CEP104: variants seen among roughly 807,000 people sequenced by gnomAD.
CEP104 encodes centrosomal protein 104.
Under a neutral mutation model 113.3 loss-of-function variants are expected in CEP104, and 84 were observed. The ratio of observed to expected loss-of-function variants is 0.74; its 90% CI spans 0.62 to 0.89. The LOEUF (loss-of-function observed/expected upper bound fraction) is 0.89. Among genes scored for constraint, CEP104 ranks in the 40% least tolerant of loss-of-function variants. The pLI, the probability that CEP104 is intolerant of heterozygous loss-of-function variation, is 0.00. For missense variants in CEP104, 1,053 were observed against 1,156.6 expected, an observed-to-expected ratio of 0.91 and a Z score of 1.30; for synonymous variants, 378 against 421.7, an observed-to-expected ratio of 0.90 and a Z score of 1.27.
At chr1:3,837,929 G>C (rs1644345726) in intron 8 of CEP104, among the ~76,000 whole-genome samples, 1 of 152,260 alleles carries the variant, frequency 6.6e-6, no homozygotes, top group African/African-American at 2.4e-5. Context: ...ACAAAGGAAA[G>C]TGATGTTGTG....
intron 6 of CEP104, among the ~76,000 whole-genome samples, chr1:3,843,483 T>C (rs1407258731): frequency 3.3e-5 from 5 of 151,398 alleles, no homozygotes; most frequent in African/African-American, 9.7e-5. Context: ...TCCTGAGTAG[T>C]TGAGACTACA....
Position 3,836,683 on chromosome 1 carries a change from G to C in CEP104, c.1129C>G (p.Leu377Val), listed in dbSNP as rs1644321486. The C allele has an allele frequency of 1.2e-6, 2 of 1,613,508 alleles. No homozygotes were observed. Among genetic ancestry groups the C allele is most frequent in the Middle Eastern group, 1.6e-4 (1 of 6,062 alleles). Reference protein sequence around the residue: ...DPHPKINAESLPYDERPLPAI... With the variant: ...DPHPKINAESVPYDERPLPAI... The stretch of plus-strand genomic sequence containing the variant: ...GGAAGAGGCCGCTCATCGTAGGGCA[G>C]GGACTCTGCCTGCAGTGAGTGAAGG... The change falls in exon 10 of 22, where the codon CTG becomes GTG. Residue 377 changes from leucine to valine, a missense_variant. By Grantham distance (32) the Leu-to-Val change is conservative. Coordinates refer to ENST00000378230, the MANE Select transcript of CEP104 (RefSeq NM_014704.4).
At chr1:3,832,186 C>T (rs1644220697) in intron 12 of CEP104, among the ~76,000 whole-genome samples, 1 of 152,260 alleles carries the variant, frequency 6.6e-6, no homozygotes, top group African/African-American at 2.4e-5. Context: ...GAACCCTCCT[C>T]ACCCCCAAAT....
At chr1:3,825,940 G>C in intron 17 of CEP104, 74 bp from the exon 18 acceptor site, 1 of 1,009,050 alleles carries the variant, frequency 9.9e-7, no homozygotes, top group South Asian at 1.3e-5. Flanking sequence ...CCCACGTCAC[G>C]AGGAAATTCT....
At chr1:3,842,550 A>G (rs1644432574) in intron 6 of CEP104, among the ~76,000 whole-genome samples, 1 of 152,324 alleles carries the variant, frequency 6.6e-6, no homozygotes, top group Admixed American at 6.5e-5. Flanking sequence ...AGCAAATCGC[A>G]TGTGGCTCCT....
intron 20 of CEP104, chr1:3,822,736 G>A (rs74049758): frequency 0.033 from 5,506 of 164,576 alleles, 359 homozygotes; most frequent in African/African-American, 0.12. Context: ...GTAGTGCACT[G>A]GGGCAGGGAG....
intron 20 of CEP104, among the ~76,000 whole-genome samples, chr1:3,821,667 C>T (rs1380884232): frequency 6.6e-6 from 1 of 152,190 alleles, no homozygotes; most frequent in East Asian, 1.9e-4. Flanking sequence ...GAAGCGGCCA[C>T]ACTCACACCG....
In CEP104 at chr1:3,833,917, G is replaced by A; in HGVS notation, c.1604C>T (p.Thr535Ile). ...CVERTIPVLL[T>I]RTGDSSARLR... ...GCGGGCAGAAGAATCTCCAGTTCTG[G>A]TGAGCAAAACGGGAATGGTCCTCTC... The change falls in exon 12 of 22, where the codon ACC (threonine) becomes ATC (isoleucine). Residue 535 changes from threonine (T) to isoleucine (I), a missense_variant. Transcript: ENST00000378230. The A allele has an allele frequency of 6.2e-7, 1 of 1,614,232 alleles. No individual in the cohort carries two copies. Among genetic ancestry groups the A allele is most frequent in the East Asian group, 2.2e-5 (1 of 44,890 alleles).
In CEP104 at chr1:3,855,537, A is replaced by T. The variant is rs567320102; in HGVS notation, c.-15+1352T>A. On this transcript the variant is annotated intron_variant, in intron 1 of 21. Transcript: ENST00000378230. The stretch of plus-strand genomic sequence containing the variant: ...ATAAATATAGGACCTTTTCAGTCAA[A>T]CAGAAGGGTGTTTCCAGTATGCTAT... Among the ~76,000 whole-genome samples, 3 of 152,280 alleles carry T rather than the reference A, an allele frequency of 2.0e-5. No homozygotes were observed. In the South Asian group the frequency reaches 6.2e-4, roughly 32 times the overall value.
intron 2 of CEP104, among the ~76,000 whole-genome samples, chr1:3,849,214 C>A (rs906486910): frequency 1.3e-5 from 2 of 150,720 alleles, no homozygotes; most frequent in Non-Finnish European, 2.9e-5. Flanking sequence ...TCTAGGGAGA[C>A]AAGCCTATGC....
chr1:3,852,825 G>A (rs1644641367), intron 1 of CEP104, among the ~76,000 whole-genome samples: 1 of 152,212 alleles, frequency 6.6e-6, no homozygotes, highest in African/African-American at 2.4e-5. Flanking sequence ...AAGAAGGGAA[G>A]AGACACAGCC....
At chr1:3,847,999 T>A (rs1416919149) in intron 3 of CEP104, among the ~76,000 whole-genome samples, 1 of 152,182 alleles carries the variant, frequency 6.6e-6, no homozygotes, top group Non-Finnish European at 1.5e-5. Context: ...CATGCCCGGC[T>A]AATTTTTGTA....
chr1:3,854,396 C>G (rs577965657), intron 1 of CEP104, among the ~76,000 whole-genome samples: 67 of 152,300 alleles, frequency 4.4e-4, no homozygotes, highest in African/African-American at 1.5e-3. Flanking sequence ...GTCCTGAATT[C>G]TGAAGTCCAG....
chr1:3,848,894 G>T, intron 2 of CEP104, 113 bp from the exon 3 acceptor site: 1 of 765,580 alleles, frequency 1.3e-6, no homozygotes, highest in Non-Finnish European at 2.1e-6. Context: ...ACTTTGAACA[G>T]AACAGTCTGT....
Position 3,836,671 on chromosome 1 carries a change from C to T in CEP104, c.1141G>A (p.Glu381Lys). The change falls in exon 10 of 22, where the codon GAG (glutamate) becomes AAG (lysine). Residue 381 changes from glutamate to lysine, a missense_variant. Transcript: ENST00000378230. ...TTACGAATAGCTGGAAGAGGCCGCT[C>T]ATCGTAGGGCAGGGACTCTGCCTGC... Reference protein sequence around the residue: ...KINAESLPYDERPLPAIRKHY... With the variant: ...KINAESLPYDKRPLPAIRKHY... The T allele has an allele frequency of 6.2e-7, 1 of 1,613,638 alleles. No homozygotes were observed. The highest frequency in any genetic ancestry group is 8.5e-7 in the Non-Finnish European group (1 of 1,179,994).
chr1:3,856,592 G>A (rs7533397), intron 1 of CEP104, among the ~76,000 whole-genome samples: 4,949 of 152,340 alleles, frequency 0.032, 122 homozygotes, highest in Middle Eastern at 0.065. Flanking sequence ...GCATCCAGAA[G>A]AGGAAAAGCC....
intron 7 of CEP104, 86 bp downstream of exon 7, chr1:3,839,522 G>T: frequency 8.1e-7 from 1 of 1,234,242 alleles, no homozygotes; most frequent in African/African-American, 1.5e-5. Flanking sequence ...TTTAGTAACT[G>T]GTTTCTTTTA....
In CEP104 at chr1:3,819,484, GATCT is replaced by G. The variant is rs1643931604; in HGVS notation, c.2572-3118_2572-3115del. 6.6e-6 allele frequency among the ~76,000 whole-genome samples: 1 copy of G among 152,212 alleles called. No homozygotes were observed. Among genetic ancestry groups the G allele is most frequent in the Admixed American group, 6.5e-5 (1 of 15,272 alleles). On this transcript the variant is annotated intron_variant, in intron 20 of 21. Transcript: ENST00000378230. The surrounding 1 kb of genome is among the most constrained non-coding windows in gnomAD (Gnocchi z 4.6). ...CTCCATGAAGCTGTTAAAAACAGGT[GATCT>G]TAATGAGTGAACAGAGGTGAATCTC...
At chr1:3,836,746 C>T (rs1383524619) in intron 9 of CEP104, 54 bp from the exon 10 acceptor site, 5 of 1,531,660 alleles carry the variant, frequency 3.3e-6, no homozygotes, top group Non-Finnish European at 3.6e-6. Flanking sequence ...AGGTCACATT[C>T]TCCAGTGCAA....
Sources: gnomAD v4.1 joint callset for allele counts (sites outside exome capture counted in the v4.1 genomes callset) on GRCh38, gnomAD v4.1.1 for gene constraint, Gnocchi (gnomAD v3.1) non-coding constraint, MANE v1.5 for transcripts, NCBI Gene and HGNC (gene_info 2026-07-23, HGNC 2026-07-21) for gene names.